PDE4B: variants seen among roughly 807,000 people sequenced by gnomAD.
PDE4B encodes 3',5'-cyclic-AMP phosphodiesterase 4B.
PDE4B carries 20 observed loss-of-function variants against 82.2 expected under a neutral mutation model. The ratio of observed to expected loss-of-function variants is 0.24; its 90% CI spans 0.17 to 0.35. The LOEUF (loss-of-function observed/expected upper bound fraction) is 0.35, where lower values mean the gene tolerates loss of function less well. Among genes scored for constraint, PDE4B ranks in the 10% least tolerant of loss-of-function variants. PDE4B has a pLI of 1.00. For missense variants in PDE4B, 655 were observed against 907.2 expected, an observed-to-expected ratio of 0.72 and a Z score of 3.57; for synonymous variants, 320 against 318.9, an observed-to-expected ratio of 1.00 and a Z score of -0.04.
At chr1:66,063,338 C>G (rs951002395) in intron 3 of PDE4B, among the ~76,000 whole-genome samples, 1 of 151,758 alleles carries the variant, frequency 6.6e-6, no homozygotes, top group Non-Finnish European at 1.5e-5. Flanking sequence ...AAATAATTAC[C>G]AGAGTCTGAG....
In PDE4B at chr1:66,372,556, G is replaced by A; in HGVS notation, c.2089G>A (p.Glu697Lys). ...EDSEGPEKEG[E>K]GHSYFSSTKT... ...TTCTGAAGGACCTGAGAAGGAGGGAGAGGGACACAGCTATTTCAGCAGCAC... is the reference window on the plus strand; with the variant it reads ...TTCTGAAGGACCTGAGAAGGAGGGAAAGGGACACAGCTATTTCAGCAGCAC... The change falls in exon 17 of 17, where the codon GAG becomes AAG. Residue 697 changes from glutamate (E) to lysine (K), a missense_variant. Transcript: ENST00000341517. 6.2e-7 allele frequency: 1 copy of A among 1,614,176 alleles called. No homozygotes were observed. Among genetic ancestry groups the A allele is most frequent in the Non-Finnish European group, 8.5e-7 (1 of 1,180,010 alleles).
intron 3 of PDE4B, chr1:66,042,640 G>A (rs1654449998): frequency 6.6e-6 from 1 of 151,676 alleles, no homozygotes; most frequent in Admixed American, 6.6e-5. Flanking sequence ...CTCTTTTAAG[G>A]ATATTGTCCT....
At chr1:66,281,341 G>C (rs146635328) in intron 7 of PDE4B, among the ~76,000 whole-genome samples, 1 of 152,166 alleles carries the variant, frequency 6.6e-6, no homozygotes, top group South Asian at 2.1e-4. Flanking sequence ...TCTGTGCTGC[G>C]AGAGCAGAGG....
chr1:65,963,283 A>C lies in PDE4B; in HGVS notation c.281+44448A>C, dbSNP rs2186125. Among the ~76,000 whole-genome samples the C allele has an allele frequency of 4.1e-3, 624 of 152,264 alleles. 8 individuals are homozygous for C. The highest frequency in any genetic ancestry group is 0.014 in the African/African-American group (573 of 41,558). On this transcript the variant is annotated intron_variant, in intron 3 of 16. Coordinates refer to ENST00000341517, the MANE Select transcript of PDE4B (RefSeq NM_002600.4). ...GTAGTGCGTTTGGCCCTGCGACTGC[A>C]GGCAGTGGGAGGCCTGCCTACAAGC...
chr1:65,963,179 C>G (rs1048634599), intron 3 of PDE4B, among the ~76,000 whole-genome samples: 7 of 152,274 alleles, frequency 4.6e-5, no homozygotes, highest in Non-Finnish European at 7.4e-5. Flanking sequence ...TATACTAACC[C>G]CCTGCCCCCA....
At chr1:66,277,097 A>C (rs1348187959) in intron 7 of PDE4B, among the ~76,000 whole-genome samples, 1 of 152,212 alleles carries the variant, frequency 6.6e-6, no homozygotes, top group Non-Finnish European at 1.5e-5. Context: ...CTATAAATAA[A>C]TGACTTTAAA....
chr1:65,974,431 T>C (rs1033535296), intron 3 of PDE4B, among the ~76,000 whole-genome samples: 6 of 152,222 alleles, frequency 3.9e-5, no homozygotes, highest in African/African-American at 1.4e-4. Context: ...AACATAACTA[T>C]AGGTGCTCAT....
At chr1:65,850,444 G>A (rs1207594664) in intron 1 of PDE4B, among the ~76,000 whole-genome samples, 1 of 152,130 alleles carries the variant, frequency 6.6e-6, no homozygotes, top group Non-Finnish European at 1.5e-5. Context: ...GTAGAATGGT[G>A]TAGTGAACAA....
At chr1:65,883,352 T>G (rs1169424124) in intron 1 of PDE4B, among the ~76,000 whole-genome samples, 3 of 152,194 alleles carry the variant, frequency 2.0e-5, no homozygotes, top group African/African-American at 7.2e-5. Flanking sequence ...TTTATAGTTC[T>G]CCTTGAAGAG....
chr1:66,064,030 G>C (rs1344933876), intron 3 of PDE4B, among the ~76,000 whole-genome samples: 1 of 151,930 alleles, frequency 6.6e-6, no homozygotes, highest in Non-Finnish European at 1.5e-5. Flanking sequence ...ACCCAAAATT[G>C]AGTCAGTGCT....
At chr1:66,152,423 C>A (rs1403900592) in intron 3 of PDE4B, 2 of 224,786 alleles carry the variant, frequency 8.9e-6, no homozygotes, top group African/African-American at 4.4e-5. Context: ...GGTGGCAGCA[C>A]TGGCTGTGGC....
intron 3 of PDE4B, 91 bp from the exon 4 acceptor site, chr1:66,247,369 A>G (rs749666105): frequency 2.1e-5 from 16 of 777,752 alleles, no homozygotes; most frequent in Non-Finnish European, 3.3e-5. Flanking sequence ...TGCTTAGTGT[A>G]TAGTACCTGC....
At chr1:65,898,968 A>G (rs12064884) in intron 1 of PDE4B, among the ~76,000 whole-genome samples, 72,337 of 151,918 alleles carry the variant, frequency 0.48, 17,576 homozygotes, top group South Asian at 0.66. Flanking sequence ...AAATAGCTGG[A>G]ACTTAATTAA....
intron 3 of PDE4B, chr1:66,062,873 CT>C (rs1655650562): frequency 6.6e-6 from 1 of 152,060 alleles, no homozygotes; most frequent in African/African-American, 2.4e-5. Flanking sequence ...TCATTGTGCT[CT>C]CTTTCACATC....
chr1:66,354,541 G>A, intron 8 of PDE4B: 5 of 1,162,546 alleles, frequency 4.3e-6, no homozygotes, highest in Non-Finnish European at 5.3e-6. Context: ...ATTCATAAGT[G>A]CTTCAAACCA....
intron 16 of PDE4B, among the ~76,000 whole-genome samples, chr1:66,371,077 T>G (rs1570800330): frequency 7.5e-6 from 1 of 133,858 alleles, no homozygotes. Context: ...TATATATATA[T>G]ATACACACAC....
chr1:66,154,689 C>T (rs1304684986), intron 3 of PDE4B, among the ~76,000 whole-genome samples: 1 of 152,088 alleles, frequency 6.6e-6, no homozygotes, highest in Non-Finnish European at 1.5e-5. Context: ...ATTACAAAAG[C>T]AAAAATGCTT....
chr1:66,025,010 T>C (rs1256174801), intron 3 of PDE4B, among the ~76,000 whole-genome samples: 1 of 152,054 alleles, frequency 6.6e-6, no homozygotes, highest in Non-Finnish European at 1.5e-5. Flanking sequence ...TATATTTTAA[T>C]AGTTTATACA....
chr1:66,223,253 G>C (rs1651147709), intron 3 of PDE4B, among the ~76,000 whole-genome samples: 1 of 152,180 alleles, frequency 6.6e-6, no homozygotes, highest in South Asian at 2.1e-4. Flanking sequence ...AGGATGGCTA[G>C]TGTCATGTCA....
Sources: gnomAD v4.1 joint callset for allele counts (sites outside exome capture counted in the v4.1 genomes callset) on GRCh38, gnomAD v4.1.1 for gene constraint, MANE v1.5 for transcripts, NCBI Gene and HGNC (gene_info 2026-07-23, HGNC 2026-07-21) for gene names.